Variants in SMIM41 observed in about 807,000 individuals in gnomAD.
SMIM41 encodes the protein small integral membrane protein 41.
chr12:52,079,878 C>T lies in SMIM41; in HGVS notation c.99C>T (p.Arg33=). 1 of 390,744 alleles carries T rather than the reference C, an allele frequency of 2.6e-6. No homozygotes were observed. Among genetic ancestry groups the T allele is most frequent in the Admixed American group, 4.5e-5 (1 of 22,448 alleles). The allele number at this position is 390,744 out of a possible 1,614,324, so 24.2% of individuals were successfully genotyped here. The change falls in exon 1 of 3, where the codon CGC becomes CGT. Residue 33 remains arginine (R), a synonymous_variant. Coordinates refer to ENST00000546390, the MANE Select transcript of SMIM41 (RefSeq NM_001369216.1). ...CGCCGGAGCCCCCCGAGGGGCCGCG[C>T]GCGGTGCAGGCGGTGGTGCTCGGCG... is the stretch of plus-strand genomic sequence containing the variant. ...ASPPEPPEGP[R]AVQAVVLGVL...
chr12:52,080,946 G>C (rs1480274043), intron 1 of SMIM41, among the ~76,000 whole-genome samples: 1 of 152,082 alleles, frequency 6.6e-6, no homozygotes, highest in Non-Finnish European at 1.5e-5. Flanking sequence ...GTGTTGGGGG[G>C]TGTGGATGGC....
At chr12:52,086,708 G>A (rs1426183817) in intron 2 of SMIM41, among the ~76,000 whole-genome samples, 1 of 152,120 alleles carries the variant, frequency 6.6e-6, no homozygotes, top group Non-Finnish European at 1.5e-5. Context: ...TTATGGCCAT[G>A]CCTTCTACTC....
intron 2 of SMIM41, among the ~76,000 whole-genome samples, chr12:52,106,556 A>C (rs1592333976): frequency 6.6e-6 from 1 of 152,222 alleles, no homozygotes; most frequent in Non-Finnish European, 1.5e-5. Flanking sequence ...GTTGGCCAGG[A>C]TGGTCTTGAT....
At chr12:52,089,838 T>C (rs1164558481) in intron 2 of SMIM41, among the ~76,000 whole-genome samples, 1 of 152,174 alleles carries the variant, frequency 6.6e-6, no homozygotes, top group African/African-American at 2.4e-5. Context: ...CCCAGTTCAG[T>C]ATGACCTCGT....
At chr12:52,096,452 T>C (rs569195805) in intron 2 of SMIM41, among the ~76,000 whole-genome samples, 2 of 152,138 alleles carry the variant, frequency 1.3e-5, no homozygotes, top group South Asian at 4.1e-4. Context: ...CAGGTGGGTG[T>C]ACACCCACTG....
chr12:52,099,978 C>T (rs184672683), intron 2 of SMIM41, among the ~76,000 whole-genome samples: 1 of 151,864 alleles, frequency 6.6e-6, no homozygotes, highest in East Asian at 1.9e-4. Context: ...TGTGTACTAC[C>T]CCTGAGATAT....
intron 2 of SMIM41, chr12:52,084,612 A>C (rs1283061162): frequency 1.3e-5 from 2 of 152,440 alleles, no homozygotes; most frequent in Admixed American, 1.3e-4. Flanking sequence ...ACCTGGCAAG[A>C]AGAGGGCAAG....
At chr12:52,105,580 G>A (rs942608791) in intron 2 of SMIM41, among the ~76,000 whole-genome samples, 1 of 152,038 alleles carries the variant, frequency 6.6e-6, no homozygotes, top group African/African-American at 2.4e-5. Context: ...GTGAAACCCC[G>A]TCTCTACTAA....
chr12:52,087,723 G>A (rs957929759), intron 2 of SMIM41: 2 of 152,280 alleles, frequency 1.3e-5, no homozygotes, highest in Non-Finnish European at 2.9e-5. Context: ...AAATGAGATA[G>A]TGATCATGCC....
chr12:52,107,225 A>G (rs1940358718), intron 2 of SMIM41, 154 bp from the exon 3 acceptor site: 2 of 368,838 alleles, frequency 5.4e-6, no homozygotes, highest in Admixed American at 3.6e-5. Flanking sequence ...ATCTGAAAAC[A>G]TTACTTGTGA....
At chr12:52,100,550 G>A (rs182215671) in intron 2 of SMIM41, among the ~76,000 whole-genome samples, 31 of 150,032 alleles carry the variant, frequency 2.1e-4, no homozygotes, top group African/African-American at 5.2e-4. Flanking sequence ...TCTGCCTCCC[G>A]TATTCAAGCG....
At chr12:52,095,393 C>A (rs1289133372) in intron 2 of SMIM41, among the ~76,000 whole-genome samples, 3 of 151,958 alleles carry the variant, frequency 2.0e-5, no homozygotes, top group Non-Finnish European at 4.4e-5. Context: ...CCACGGTGGT[C>A]CCATAGCGTG....
intron 2 of SMIM41, among the ~76,000 whole-genome samples, chr12:52,103,975 A>C (rs1940274948): frequency 6.6e-6 from 1 of 152,188 alleles, no homozygotes; most frequent in Non-Finnish European, 1.5e-5. Context: ...AATGTACTTA[A>C]TGTCATTAAA....
intron 2 of SMIM41, among the ~76,000 whole-genome samples, chr12:52,106,545 T>C (rs1401961603): frequency 6.6e-6 from 1 of 152,188 alleles, no homozygotes; most frequent in African/African-American, 2.4e-5. Flanking sequence ...GGTTTCACCA[T>C]GTTGGCCAGG....
At chr12:52,080,569 C>T (rs1311057121) in intron 1 of SMIM41, among the ~76,000 whole-genome samples, 1 of 152,162 alleles carries the variant, frequency 6.6e-6, no homozygotes, top group Non-Finnish European at 1.5e-5. Flanking sequence ...TTCCCTAGCC[C>T]CCACCCTCAC....
intron 2 of SMIM41, among the ~76,000 whole-genome samples, chr12:52,106,229 G>C (rs1940336213): frequency 6.6e-6 from 1 of 152,200 alleles, no homozygotes; most frequent in Admixed American, 6.5e-5. Flanking sequence ...CCTACATCTT[G>C]CTTGGCACAT....
intron 2 of SMIM41, among the ~76,000 whole-genome samples, chr12:52,090,562 C>A (rs1939982856): frequency 6.6e-6 from 1 of 152,112 alleles, no homozygotes; most frequent in Non-Finnish European, 1.5e-5. Flanking sequence ...GGTGAGTGAG[C>A]AGGGAGTACC....
At chr12:52,092,241 C>T (rs1036873263) in intron 2 of SMIM41, 4 of 152,154 alleles carry the variant, frequency 2.6e-5, no homozygotes, top group Non-Finnish European at 4.4e-5. Flanking sequence ...ACAAACCAAA[C>T]GTTACAAGAA....
intron 2 of SMIM41, among the ~76,000 whole-genome samples, chr12:52,098,066 G>A (rs559349645): frequency 4.6e-5 from 7 of 151,692 alleles, no homozygotes; most frequent in African/African-American, 1.5e-4. Flanking sequence ...CACAGTGTGC[G>A]TGTACGCCTG....
Sources: allele counts gnomAD v4.1 joint callset (sites outside exome capture counted in the v4.1 genomes callset), GRCh38; gene constraint gnomAD v4.1.1; transcripts MANE v1.5; gene names NCBI Gene and HGNC (gene_info 2026-07-23, HGNC 2026-07-21).